Variants in MB21D2 observed in about 807,000 individuals in gnomAD.
MB21D2 encodes Mab-21 domain containing 2, also known as nucleotidyltransferase MB21D2.
MB21D2 carries 9 observed loss-of-function variants against 33.3 expected under a neutral mutation model. The observed-to-expected ratio is 0.27, with a 90% CI of 0.16 to 0.47. The LOEUF is 0.47. MB21D2 is among the 20% of genes least tolerant of loss of function. MB21D2 has a pLI of 0.99. For synonymous variants in MB21D2, 241 were observed against 236.3 expected (o/e 1.02, Z -0.18); for missense variants, 540 against 624.6 (o/e 0.86, Z 1.44).
chr3:192,812,596 T>C (rs1032692574), intron 1 of MB21D2, among the ~76,000 whole-genome samples: 1 of 152,184 alleles, frequency 6.6e-6, no homozygotes, highest in African/African-American at 2.4e-5. Flanking sequence ...CCAGATCCTC[T>C]ATATCTGCAA....
chr3:192,826,631 G>A (rs894342108), intron 1 of MB21D2, among the ~76,000 whole-genome samples: 8 of 152,232 alleles, frequency 5.3e-5, no homozygotes, highest in African/African-American at 1.9e-4. Flanking sequence ...TTGACCCCAT[G>A]TCAGTTAGTG....
intron 1 of MB21D2, among the ~76,000 whole-genome samples, chr3:192,814,856 C>T (rs532595575): frequency 1.6e-5 from 2 of 125,684 alleles, no homozygotes; most frequent in Non-Finnish European, 3.3e-5. Flanking sequence ...CAGAGCGAGA[C>T]TCCATCCCAA....
intron 1 of MB21D2, among the ~76,000 whole-genome samples, chr3:192,861,903 GA>G (rs1358327088): frequency 6.6e-6 from 1 of 152,194 alleles, no homozygotes; most frequent in African/African-American, 2.4e-5. Flanking sequence ...AAGGTGCAAT[GA>G]CAACATTACA....
At chr3:192,825,246 T>C (rs561920236) in intron 1 of MB21D2, among the ~76,000 whole-genome samples, 2 of 152,302 alleles carry the variant, frequency 1.3e-5, no homozygotes, top group South Asian at 4.1e-4. Context: ...TTACTTCTAG[T>C]TCCTAACACA....
intron 1 of MB21D2, among the ~76,000 whole-genome samples, chr3:192,835,454 TC>T (rs1239256874): frequency 5.3e-4 from 11 of 20,870 alleles, no homozygotes; most frequent in Admixed American, 4.1e-3. Flanking sequence ...AGACTCTGTC[TC>T]AAAAAAAAAA....
intron 1 of MB21D2, among the ~76,000 whole-genome samples, chr3:192,909,342 G>C (rs1714289460): frequency 6.6e-6 from 1 of 151,986 alleles, no homozygotes; most frequent in Non-Finnish European, 1.5e-5. Flanking sequence ...GATTATTAGT[G>C]CCTTAAATAA....
At position 192,805,605 on chromosome 3, in the gene MB21D2, GAT is replaced by G. The variant is rs541914523; in HGVS notation, c.212-5957_212-5956del. ...CTTAGTATTTCCCCATTTTGACACT[GAT>G]ATGTACGCAAGAACACTGGACTCAA... On this transcript the variant is annotated intron_variant, in intron 1 of 1. Coordinates refer to ENST00000392452, the MANE Select transcript of MB21D2 (RefSeq NM_178496.4). Among the ~76,000 whole-genome samples, 6 of 152,274 alleles carry G rather than the reference GAT, an allele frequency of 3.9e-5. No individual in the cohort carries two copies. The South Asian group carries it at 1.2e-3, about 32-fold the overall frequency.
intron 1 of MB21D2, among the ~76,000 whole-genome samples, chr3:192,861,664 C>G (rs1404147885): frequency 6.6e-6 from 1 of 152,078 alleles, no homozygotes; most frequent in African/African-American, 2.4e-5. Flanking sequence ...ATTAGCCGGG[C>G]GTGGTGGCGC....
chr3:192,847,623 G>A (rs1164359249), intron 1 of MB21D2, among the ~76,000 whole-genome samples: 1 of 152,138 alleles, frequency 6.6e-6, no homozygotes, highest in Non-Finnish European at 1.5e-5. Context: ...CAAAATCAAA[G>A]TTCTTGCAGG....
rs371101154 is a variant in MB21D2 at position 192,799,452 on chromosome 3, T to G, written c.410A>C (p.Asp137Ala). The G allele has an allele frequency of 3.0e-5, 48 of 1,614,054 alleles. No homozygotes were observed. Among genetic ancestry groups the G allele is most frequent in the Non-Finnish European group, 4.0e-5 (47 of 1,180,028 alleles). The change falls in exon 2 of 2, where the codon GAC (aspartate) becomes GCC (alanine). Residue 137 changes from aspartate to alanine, a missense_variant. Asp to Ala is a moderately radical substitution (Grantham distance 126, BLOSUM62 -2). Coordinates refer to ENST00000392452, the MANE Select transcript of MB21D2 (RefSeq NM_178496.4). The surrounding 1 kb of genome is among the most constrained non-coding windows in gnomAD (Gnocchi z 4.1). ...GTGGCACAAGGCTGAGTGGCGCATG[T>G]CGAGTGTCACAGGCTGATTACGGTC... ...LHDRNQPVTL[D>A]MRHSALCHSW...
chr3:192,844,131 C>T (rs1712630648), intron 1 of MB21D2, among the ~76,000 whole-genome samples: 1 of 152,190 alleles, frequency 6.6e-6, no homozygotes, highest in Non-Finnish European at 1.5e-5. Context: ...CACCTGAATC[C>T]CCGGGTGCCG....
chr3:192,832,469 A>AT (rs1172445220), intron 1 of MB21D2, among the ~76,000 whole-genome samples: 1 of 152,198 alleles, frequency 6.6e-6, no homozygotes, highest in Non-Finnish European at 1.5e-5. Flanking sequence ...TGTTTATAAT[A>AT]TTTAAAAATC....
intron 1 of MB21D2, among the ~76,000 whole-genome samples, chr3:192,888,408 A>T (rs2108645900): frequency 6.6e-6 from 1 of 152,304 alleles, no homozygotes; most frequent in East Asian, 1.9e-4. Context: ...ATTCCATTAA[A>T]GAAATAACAT....
Position 192,875,192 on chromosome 3 carries a change from C to A in MB21D2, c.211+42438G>T, listed in dbSNP as rs922730109. 3.3e-5 allele frequency among the ~76,000 whole-genome samples: 5 copies of A among 152,286 alleles called. No individual in the cohort carries two copies. In the East Asian group the frequency reaches 9.6e-4, roughly 29 times the overall value. ...CTCCATTACCATTTTTATTAGACAT[C>A]ATTTATTACTTATGTAATGTGTTGT... is the stretch of plus-strand genomic sequence containing the variant. On this transcript the variant is annotated intron_variant, in intron 1 of 1. Transcript: ENST00000392452.
At chr3:192,880,588 CAG>C (rs1330825153) in intron 1 of MB21D2, among the ~76,000 whole-genome samples, 1 of 152,050 alleles carries the variant, frequency 6.6e-6, no homozygotes, top group East Asian at 1.9e-4. Flanking sequence ...GTGAGTCCCC[CAG>C]GAAAAGCACG....
intron 1 of MB21D2, among the ~76,000 whole-genome samples, chr3:192,823,401 C>G (rs1017248785): frequency 6.6e-6 from 1 of 152,202 alleles, no homozygotes; most frequent in Non-Finnish European, 1.5e-5. Flanking sequence ...TGCCTGTAAT[C>G]TCAGCACTTT....
At chr3:192,916,492 CTTA>C (rs1017141410) in intron 1 of MB21D2, among the ~76,000 whole-genome samples, 1 of 152,194 alleles carries the variant, frequency 6.6e-6, no homozygotes, top group African/African-American at 2.4e-5. Context: ...GGAAAATTGG[CTTA>C]TCTATTTGTA....
intron 1 of MB21D2, among the ~76,000 whole-genome samples, chr3:192,850,826 G>A (rs923153625): frequency 6.6e-6 from 1 of 152,192 alleles, no homozygotes; most frequent in Non-Finnish European, 1.5e-5. Flanking sequence ...CCAACTCTGA[G>A]CTACTGAACT....
chr3:192,801,116 AATG>A (rs1711554141), intron 1 of MB21D2, among the ~76,000 whole-genome samples: 1 of 152,250 alleles, frequency 6.6e-6, no homozygotes, highest in Admixed American at 6.5e-5. Context: ...GCTATGACTA[AATG>A]ATAAGGGAAA....
Sources: allele counts gnomAD v4.1 joint callset (sites outside exome capture counted in the v4.1 genomes callset), GRCh38; gene constraint gnomAD v4.1.1; non-coding constraint Gnocchi (gnomAD v3.1); transcripts MANE v1.5; gene names NCBI Gene and HGNC (gene_info 2026-07-23, HGNC 2026-07-21).